The following EXOC2 variants were observed in gnomAD, a reference collection of about 807,000 sequenced individuals.
EXOC2 encodes exocyst complex component 2.
EXOC2 carries 70 observed loss-of-function variants against 131.8 expected under a neutral mutation model. The observed-to-expected ratio is 0.53, with a 90% CI of 0.44 to 0.65. The LOEUF is 0.65. Ranked by LOEUF, EXOC2 falls within the 30% of genes least tolerant of loss-of-function variation. The pLI, the probability that EXOC2 is intolerant of heterozygous loss-of-function variation, is 0.00. For synonymous variants in EXOC2, 411 were observed against 398.4 expected (o/e 1.03, Z -0.38); for missense variants, 923 against 1,108.6 (o/e 0.83, Z 2.38).
At chr6:523,053 G>A (rs1283618231) in intron 23 of EXOC2, among the ~76,000 whole-genome samples, 1 of 152,228 alleles carries the variant, frequency 6.6e-6, no homozygotes, top group African/African-American at 2.4e-5. Flanking sequence ...AGTGAGACTG[G>A]AGAGGAAGAG....
At chr6:656,338 A>C in intron 1 of EXOC2, 2 of 1,614,190 alleles carry the variant, frequency 1.2e-6, no homozygotes, top group Non-Finnish European at 1.7e-6. Context: ...TTTTTAAAAT[A>C]ACTTTGAATG....
intron 4 of EXOC2, among the ~76,000 whole-genome samples, chr6:621,375 C>G (rs1761282745): frequency 6.6e-6 from 1 of 152,206 alleles, no homozygotes; most frequent in African/African-American, 2.4e-5. Flanking sequence ...CACATCCTCT[C>G]CCTCTGTGGT....
chr6:667,117 C>T lies in EXOC2; in HGVS notation c.-44+25902G>A, dbSNP rs1763662710. 2.1e-5 allele frequency among the ~76,000 whole-genome samples: 2 copies of T among 97,118 alleles called. 1 individual carries two copies. 63.7% of individuals were successfully genotyped at this position (97,118 alleles called of 152,430 possible). ...CAGAACAAACAGTTGTCTGTCAGAT[C>T]AATTAATAAGAAAAACTAAAAACTG... On this transcript the variant is annotated intron_variant, in intron 1 of 27. Transcript: ENST00000230449.
chr6:622,622 C>T (rs199722189), intron 4 of EXOC2, among the ~76,000 whole-genome samples: 10 of 152,184 alleles, frequency 6.6e-5, no homozygotes, highest in East Asian at 5.8e-4. Context: ...CCTGGAGAAA[C>T]GGCTAAGAAC....
intron 26 of EXOC2, among the ~76,000 whole-genome samples, chr6:490,368 C>T (rs1222088754): frequency 6.6e-6 from 1 of 152,126 alleles, no homozygotes; most frequent in East Asian, 1.9e-4. Flanking sequence ...CAAACGATGG[C>T]TGGGAAAAGG....
intron 1 of EXOC2, among the ~76,000 whole-genome samples, chr6:645,590 CCTTTT>C (rs1762544187): frequency 1.2e-5 from 1 of 81,372 alleles, no homozygotes; most frequent in Non-Finnish European, 3.0e-5. Context: ...AGGAAGCAAC[CCTTTT>C]TTTTTTGAGC....
intron 22 of EXOC2, among the ~76,000 whole-genome samples, chr6:544,347 G>A (rs1156432613): frequency 6.6e-6 from 1 of 152,148 alleles, no homozygotes. Context: ...ATCTCTCTAA[G>A]TATGTATGTT....
rs377358958 is a variant in EXOC2, at chr6:609,925, AACATTC to A, written c.742+167_742+172del. Among the ~76,000 whole-genome samples, 17 of 152,356 alleles carry A rather than the reference AACATTC, an allele frequency of 1.1e-4. 1 individual carries two copies. Among genetic ancestry groups the A allele is most frequent in the African/African-American group, 3.8e-4 (16 of 41,580 alleles). The stretch of plus-strand genomic sequence containing the variant: ...ATAAATAAAATGCAAGCAGAAACAG[AACATTC>A]ATTTTCAATGTTTCTATTCTCCTTT... On this transcript the variant is annotated intron_variant, in intron 7 of 27. Transcript: ENST00000230449.
chr6:514,330 G>A (rs1765015705), intron 23 of EXOC2, among the ~76,000 whole-genome samples: 1 of 152,182 alleles, frequency 6.6e-6, no homozygotes, highest in South Asian at 2.1e-4. Flanking sequence ...TGCTTACTAA[G>A]AGAAGGTGGT....
At chr6:538,783 A>G (rs1218538735) in intron 22 of EXOC2, among the ~76,000 whole-genome samples, 2 of 152,222 alleles carry the variant, frequency 1.3e-5, no homozygotes, top group Non-Finnish European at 2.9e-5. Flanking sequence ...CTGTAAGTAG[A>G]AAATATCTGG....
chr6:673,125 G>A lies in EXOC2; in HGVS notation c.-44+19894C>T, dbSNP rs191177041. On this transcript the variant is annotated intron_variant, in intron 1 of 27. Coordinates refer to ENST00000230449, the MANE Select transcript of EXOC2 (RefSeq NM_018303.6). ...AAATACAAAAAAATTAGCTGGGCGT[G>A]GTGGCGGGCACCTGGGATACCGGCT... Among the ~76,000 whole-genome samples the A allele has an allele frequency of 3.9e-4, 59 of 151,824 alleles. No individual in the cohort carries two copies. The East Asian group carries it at 8.1e-3, about 21-fold the overall frequency.
At chr6:624,468 A>G (rs1360053106) in intron 4 of EXOC2, among the ~76,000 whole-genome samples, 1 of 152,202 alleles carries the variant, frequency 6.6e-6, no homozygotes, top group East Asian at 1.9e-4. Context: ...GTTATTTGCT[A>G]TTATTTTTAT....
chr6:569,085 A>G lies in EXOC2; in HGVS notation c.1443+3435T>C, dbSNP rs527419168. 9.8e-5 allele frequency among the ~76,000 whole-genome samples: 15 copies of G among 152,354 alleles called. No individual in the cohort carries two copies. In the East Asian group the frequency reaches 2.9e-3, roughly 29 times the overall value. ...AAGTTTGCCCTATTTTTAAAAGAAAATCTAATTTTGGAATATGTAAGGCAT... is the reference window on the plus strand; with the variant it reads ...AAGTTTGCCCTATTTTTAAAAGAAAGTCTAATTTTGGAATATGTAAGGCAT... On this transcript the variant is annotated intron_variant, in intron 13 of 27. Transcript: ENST00000230449.
chr6:558,342 G>A (rs535217948), intron 17 of EXOC2, among the ~76,000 whole-genome samples: 54 of 152,248 alleles, frequency 3.5e-4, no homozygotes, highest in African/African-American at 1.3e-3. Context: ...ATAAGAAATA[G>A]AGGATGAAAT....
intron 1 of EXOC2, among the ~76,000 whole-genome samples, chr6:645,923 C>T (rs1157850497): frequency 6.6e-6 from 1 of 152,146 alleles, no homozygotes; most frequent in Non-Finnish European, 1.5e-5. Context: ...GGCCACAGAG[C>T]CAGACTGAAG....
At chr6:642,396 T>C (rs1236746901) in intron 1 of EXOC2, among the ~76,000 whole-genome samples, 1 of 152,194 alleles carries the variant, frequency 6.6e-6, no homozygotes, top group African/African-American at 2.4e-5. Flanking sequence ...CTAGCTGGTG[T>C]CCGCTGGAGA....
At chr6:495,917 T>A (rs1183685858) in intron 25 of EXOC2, among the ~76,000 whole-genome samples, 1 of 152,210 alleles carries the variant, frequency 6.6e-6, no homozygotes, top group Non-Finnish European at 1.5e-5. Context: ...TTATCCTTAT[T>A]TCTGTTGTTC....
chr6:592,410 C>T lies in EXOC2; in HGVS notation c.1192+59G>A, dbSNP rs1428453420. 2.9e-6 allele frequency: 4 copies of T among 1,370,926 alleles called. No individual in the cohort carries two copies. The African/African-American group carries it at 4.3e-5, about 15-fold the overall frequency. 84.9% of individuals were successfully genotyped at this position (1,370,926 alleles called of 1,614,324 possible). A position where few individuals can be genotyped will look rare whatever the true frequency, so the allele number is the denominator to read the frequency against. On this transcript the variant is annotated intron_variant, in intron 11 of 27. Transcript: ENST00000230449. ...CAGTGCCTTCATCATTAAACATTCC[C>T]AGAATGCATCAAAATGACATGAAGG...
rs543655355 is a variant in EXOC2 at position 691,786 on chromosome 6, C to A, written c.-44+1233G>T. On this transcript the variant is annotated intron_variant, in intron 1 of 27. Coordinates refer to ENST00000230449, the MANE Select transcript of EXOC2 (RefSeq NM_018303.6). ...TAAATACTTGACAAGAAAAAAAGATCACTTTCTAAAACTTCCAAGAGTTGG... is the reference window on the plus strand; with the variant it reads ...TAAATACTTGACAAGAAAAAAAGATAACTTTCTAAAACTTCCAAGAGTTGG... Among the ~76,000 whole-genome samples the A allele has an allele frequency of 1.9e-4, 29 of 152,318 alleles. No homozygotes were observed. In the South Asian group the frequency reaches 5.8e-3, roughly 30 times the overall value.
Sources: gnomAD v4.1 joint callset for allele counts (sites outside exome capture counted in the v4.1 genomes callset) on GRCh38, gnomAD v4.1.1 for gene constraint, MANE v1.5 for transcripts, NCBI Gene and HGNC (gene_info 2026-07-23, HGNC 2026-07-21) for gene names.